Variants in CSNK2A2IP observed in about 807,000 individuals in gnomAD.
CSNK2A2IP encodes casein kinase 2 subunit alpha' interacting protein, also known as casein kinase II subunit alpha'-interacting protein.
the CSNK2A2IP span, among the ~76,000 whole-genome samples, chr3:88,346,228 G>A: frequency 0.44 from 66,584 of 151,798 alleles, 15,856 homozygotes; most frequent in South Asian, 0.62. Context: ...GAAAGAAGCC[G>A]TCTCCATAAC....
the CSNK2A2IP span, among the ~76,000 whole-genome samples, chr3:88,358,681 A>C: frequency 2.0e-5 from 3 of 152,148 alleles, no homozygotes; most frequent in Admixed American, 6.5e-5. Flanking sequence ...CATCTCTGTG[A>C]TGAATCCCAC....
chr3:88,353,729 T>C, the CSNK2A2IP span, among the ~76,000 whole-genome samples: 4 of 152,296 alleles, frequency 2.6e-5, no homozygotes, highest in African/African-American at 7.2e-5. Flanking sequence ...ATTATAAAAA[T>C]ATGCTTTATG....
the CSNK2A2IP span, among the ~76,000 whole-genome samples, chr3:88,372,968 C>A: frequency 6.6e-6 from 1 of 151,212 alleles, no homozygotes; most frequent in African/African-American, 2.4e-5. Context: ...TACTAAGAGA[C>A]CTGCAAAATA....
the CSNK2A2IP span, among the ~76,000 whole-genome samples, chr3:88,385,660 T>C: frequency 6.6e-6 from 1 of 152,220 alleles, no homozygotes. Flanking sequence ...AGGGAGAAAT[T>C]GGTAAAGCAA....
chr3:88,342,705 A>T, the CSNK2A2IP span, among the ~76,000 whole-genome samples: 1 of 119,712 alleles, frequency 8.4e-6, no homozygotes, highest in Non-Finnish European at 2.1e-5. Context: ...GATCTGAGCA[A>T]GGTTAAAAAA....
the CSNK2A2IP span, among the ~76,000 whole-genome samples, chr3:88,448,703 G>C: frequency 6.6e-6 from 1 of 152,176 alleles, no homozygotes; most frequent in Non-Finnish European, 1.5e-5. Flanking sequence ...TTGCCACTTG[G>C]AGGTGTTAGT....
the CSNK2A2IP span, among the ~76,000 whole-genome samples, chr3:88,435,259 A>C: frequency 6.6e-6 from 1 of 152,086 alleles, no homozygotes; most frequent in African/African-American, 2.4e-5. Flanking sequence ...CCTGGGTTGG[A>C]AGTTGAATAT....
At chr3:88,409,003 A>G in the CSNK2A2IP span, among the ~76,000 whole-genome samples, 1 of 152,096 alleles carries the variant, frequency 6.6e-6, no homozygotes, top group Non-Finnish European at 1.5e-5. Context: ...AGTTGCTATT[A>G]CGTGGCTGCA....
At chr3:88,455,800 C>G in the CSNK2A2IP span, among the ~76,000 whole-genome samples, 1 of 151,678 alleles carries the variant, frequency 6.6e-6, no homozygotes, top group Non-Finnish European at 1.5e-5. Flanking sequence ...GAGATTTTTT[C>G]TATGTATTTT....
At chr3:88,454,368 G>A in the CSNK2A2IP span, among the ~76,000 whole-genome samples, 3 of 151,376 alleles carry the variant, frequency 2.0e-5, no homozygotes, top group Non-Finnish European at 4.4e-5. Context: ...CTATTTTTAT[G>A]TTTTTTTCAT....
the CSNK2A2IP span, among the ~76,000 whole-genome samples, chr3:88,416,381 A>C: frequency 6.6e-6 from 1 of 152,034 alleles, no homozygotes; most frequent in African/African-American, 2.4e-5. Flanking sequence ...CTTTTTGTTT[A>C]TAGATTTTGC....
chr3:88,434,121 A>G, the CSNK2A2IP span, among the ~76,000 whole-genome samples: 1 of 152,170 alleles, frequency 6.6e-6, no homozygotes, highest in Non-Finnish European at 1.5e-5. Context: ...ACTTGGGGGC[A>G]TGGAGGAGAT....
the CSNK2A2IP span, among the ~76,000 whole-genome samples, chr3:88,393,685 C>T: frequency 2.6e-5 from 4 of 152,118 alleles, no homozygotes; most frequent in South Asian, 2.1e-4. Context: ...GTGATTGCTT[C>T]GTTTACTTTA....
At chr3:88,360,741 T>C in the CSNK2A2IP span, among the ~76,000 whole-genome samples, 1 of 152,208 alleles carries the variant, frequency 6.6e-6, no homozygotes, top group Non-Finnish European at 1.5e-5. Context: ...GGTTGTTTTG[T>C]TTGTCTACCT....
At chr3:88,352,102 T>C in the CSNK2A2IP span, among the ~76,000 whole-genome samples, 1 of 152,208 alleles carries the variant, frequency 6.6e-6, no homozygotes. Context: ...TATATGCTAA[T>C]TTTTGTAATT....
At chr3:88,366,620 A>T in the CSNK2A2IP span, among the ~76,000 whole-genome samples, 19 of 152,116 alleles carry the variant, frequency 1.2e-4, no homozygotes, top group African/African-American at 4.3e-4. Flanking sequence ...TGTTAAAGTT[A>T]CAACCAATTT....
At chr3:88,435,630 C>T in the CSNK2A2IP span, among the ~76,000 whole-genome samples, 3 of 152,080 alleles carry the variant, frequency 2.0e-5, no homozygotes, top group Admixed American at 2.0e-4. Context: ...AATATTTCCT[C>T]TTTTCTATTA....
chr3:88,465,950 T>C, the CSNK2A2IP span: 11 of 1,231,696 alleles, frequency 8.9e-6, no homozygotes, highest in Non-Finnish European at 1.1e-5. Context: ...ATAAACATCA[T>C]TTGGACATCA....
At chr3:88,351,395 G>T in the CSNK2A2IP span, among the ~76,000 whole-genome samples, 33 of 152,032 alleles carry the variant, frequency 2.2e-4, no homozygotes, top group East Asian at 3.5e-3. Context: ...CTTCAAAGAC[G>T]ATGTTAATTT....
Sources: gnomAD v4.1 joint callset for allele counts (sites outside exome capture counted in the v4.1 genomes callset) on GRCh38, gnomAD v4.1.1 for gene constraint, MANE v1.5 for transcripts, NCBI Gene and HGNC (gene_info 2026-07-23, HGNC 2026-07-21) for gene names.